The following POLN variants were observed in gnomAD, a reference collection of about 807,000 sequenced individuals.
POLN encodes the protein DNA polymerase nu.
A neutral mutation model predicts 113.5 loss-of-function variants in POLN; 108 were observed. The ratio of observed to expected loss-of-function variants is 0.95; its 90% CI spans 0.81 to 1.12. POLN has a LOEUF of 1.12. Among genes scored for constraint, POLN ranks in the 50% most tolerant of loss-of-function variants. The pLI is 0.00. For synonymous variants in POLN, 386 were observed against 391.5 expected (o/e 0.99, Z 0.17); for missense variants, 1,097 against 1,077.1 (o/e 1.02, Z -0.26).
intron 19 of POLN, among the ~76,000 whole-genome samples, chr4:2,096,685 A>AG (rs1730799255): frequency 7.5e-5 from 10 of 133,812 alleles, no homozygotes; most frequent in East Asian, 4.3e-4. Flanking sequence ...AAGCCGAGAG[A>AG]AAGAGAGAGA....
intron 8 of POLN, chr4:2,177,237 T>C (rs974926096): frequency 1.5e-5 from 7 of 460,710 alleles, no homozygotes; most frequent in African/African-American, 8.0e-5. Context: ...CTCCCTGGTA[T>C]GGCACAGCTG....
intron 7 of POLN, among the ~76,000 whole-genome samples, chr4:2,179,785 CAG>C (rs1347205008): frequency 6.6e-6 from 1 of 152,182 alleles, no homozygotes; most frequent in Non-Finnish European, 1.5e-5. Flanking sequence ...CTGTCGAAGT[CAG>C]AGTCGTGGGT....
chr4:2,101,917 G>C (rs1730936725), intron 19 of POLN, among the ~76,000 whole-genome samples: 1 of 152,172 alleles, frequency 6.6e-6, no homozygotes, highest in African/African-American at 2.4e-5. Context: ...GCTGAATTGT[G>C]GGTTAGATGT....
intron 7 of POLN, among the ~76,000 whole-genome samples, chr4:2,184,636 T>G (rs1481210384): frequency 6.6e-6 from 1 of 152,222 alleles, no homozygotes; most frequent in Non-Finnish European, 1.5e-5. Flanking sequence ...ACATATCCAG[T>G]GACCAGATTC....
At chr4:2,189,034 A>T (rs1430347912) in intron 7 of POLN, among the ~76,000 whole-genome samples, 1 of 152,106 alleles carries the variant, frequency 6.6e-6, no homozygotes. Flanking sequence ...TTTTTAGTGT[A>T]TTTATTACTG....
intron 6 of POLN, among the ~76,000 whole-genome samples, chr4:2,193,668 C>A (rs1201382552): frequency 6.6e-6 from 1 of 152,172 alleles, no homozygotes; most frequent in Non-Finnish European, 1.5e-5. Context: ...TCCCAGAGCT[C>A]CCCTCAAACA....
chr4:2,113,688 T>A (rs1731251693), intron 19 of POLN, among the ~76,000 whole-genome samples: 1 of 151,198 alleles, frequency 6.6e-6, no homozygotes, highest in Non-Finnish European at 1.5e-5. Context: ...AGAAACCCCA[T>A]CTCTACTAAA....
In POLN at chr4:2,176,293, A is replaced by C; in HGVS notation, c.1221T>G (p.Leu407=). 1 of 1,603,870 alleles carries C rather than the reference A, an allele frequency of 6.2e-7. No individual in the cohort carries two copies. Among genetic ancestry groups the C allele is most frequent in the Non-Finnish European group, 8.5e-7 (1 of 1,176,200 alleles). The change falls in exon 9 of 26, where the codon CTT becomes CTG. Residue 407 remains leucine, a synonymous_variant. Coordinates refer to ENST00000511885, the MANE Select transcript of POLN (RefSeq NM_181808.4). ...TCAGTTTAGAGCAAAGGTCCATTGT[A>C]AGTCTGTAGAGTGTCTTCAGGTTCT... ...VRENLKTLYR[L]TMDLCSKLKD...
At chr4:2,221,079 G>A (rs1023744375) in intron 3 of POLN, among the ~76,000 whole-genome samples, 6 of 151,854 alleles carry the variant, frequency 4.0e-5, no homozygotes, top group Non-Finnish European at 8.8e-5. Context: ...GCTCAGGGTG[G>A]GGCCATTTCT....
At chr4:2,129,049 CTT>C (rs1279898567) in intron 18 of POLN, 128 bp downstream of exon 18, 7 of 608,646 alleles carry the variant, frequency 1.2e-5, no homozygotes, top group South Asian at 6.5e-5. Context: ...AAGCGAGACT[CTT>C]GTCTCAAAAA....
At position 2,085,899 on chromosome 4, in the gene POLN, A is replaced by C. The variant is rs1330450369; in HGVS notation, c.2066-155T>G. ...CTTTACAAGCCAGGTGCTAGGTGCC[A>C]ATCAATCGGGACTGGGGCCTGTGAA... is the stretch of plus-strand genomic sequence containing the variant. On this transcript the variant is annotated intron_variant, in intron 20 of 25. Coordinates refer to ENST00000511885, the MANE Select transcript of POLN (RefSeq NM_181808.4). 3.3e-5 allele frequency among the ~76,000 whole-genome samples: 5 copies of C among 152,312 alleles called. No homozygotes were observed. In the East Asian group the frequency reaches 9.7e-4, roughly 29 times the overall value.
intron 16 of POLN, among the ~76,000 whole-genome samples, chr4:2,153,199 T>C (rs1252821698): frequency 1.3e-5 from 2 of 152,218 alleles, no homozygotes; most frequent in African/African-American, 4.8e-5. Flanking sequence ...AAATTCTAAA[T>C]CTGTAAAATA....
Position 2,159,138 on chromosome 4 carries a change from C to CA in POLN, c.1611+16dup, listed in dbSNP as rs771690112. On this transcript the variant is annotated intron_variant, in intron 14 of 25. Coordinates refer to ENST00000511885, the MANE Select transcript of POLN (RefSeq NM_181808.4). The stretch of plus-strand genomic sequence containing the variant: ...CTCATCACCTTTTACCTTTTACGTA[C>CA]AAAAAAATTAACTTACCTGCCTGTA... The CA allele has an allele frequency of 1.1e-5, 18 of 1,580,378 alleles. No individual in the cohort carries two copies. Among genetic ancestry groups the CA allele is most frequent in the Non-Finnish European group, 1.4e-5 (16 of 1,150,500 alleles).
intron 20 of POLN, chr4:2,089,734 G>T: frequency 1.5e-6 from 1 of 682,270 alleles, no homozygotes. Context: ...ATTATTCAGT[G>T]TTGTGCTCTT....
chr4:2,082,586 T>C (rs1242753006), intron 21 of POLN: 5 of 152,204 alleles, frequency 3.3e-5, no homozygotes, highest in Admixed American at 3.3e-4. Context: ...TAACTAGGTG[T>C]GGGTGGGAAA....
chr4:2,157,722 CAAAAAAA>C (rs71644319), intron 15 of POLN, 129 bp downstream of exon 15: 7,764 of 134,958 alleles, frequency 0.058, 129 homozygotes, highest in Middle Eastern at 0.086. Context: ...GACTCTGTCT[CAAAAAAA>C]AAAAAAAAAA....
chr4:2,220,506 C>T (rs1390249254), intron 3 of POLN, among the ~76,000 whole-genome samples: 4 of 152,222 alleles, frequency 2.6e-5, no homozygotes, highest in African/African-American at 9.6e-5. Flanking sequence ...TTCTTGGCCA[C>T]CCAGTGGGCT....
At chr4:2,135,945 C>T (rs543128463) in intron 16 of POLN, among the ~76,000 whole-genome samples, 1 of 152,334 alleles carries the variant, frequency 6.6e-6, no homozygotes, top group Admixed American at 6.5e-5. Context: ...TCTCCTCGGG[C>T]GAGGAGCTGG....
intron 4 of POLN, among the ~76,000 whole-genome samples, chr4:2,210,218 A>T (rs1733957204): frequency 6.6e-6 from 1 of 152,136 alleles, no homozygotes. Flanking sequence ...CAAGAAAAGG[A>T]ATTCAAGGAG....
Sources: allele counts gnomAD v4.1 joint callset (sites outside exome capture counted in the v4.1 genomes callset), GRCh38; gene constraint gnomAD v4.1.1; transcripts MANE v1.5; gene names NCBI Gene and HGNC (gene_info 2026-07-23, HGNC 2026-07-21).